Variants in KCNS1 observed in about 807,000 individuals in gnomAD.
KCNS1 encodes the protein delayed-rectifier potassium channel regulatory subunit KCNS1.
In KCNS1, 26 loss-of-function variants were observed where a neutral mutation model predicts 33.1. That is an observed-to-expected ratio of 0.79 (90% CI 0.58 to 1.09). The LOEUF (loss-of-function observed/expected upper bound fraction) is 1.09, where lower values mean the gene tolerates loss of function less well. Among genes scored for constraint, KCNS1 ranks in the 50% least tolerant of loss-of-function variants. KCNS1 has a pLI of 0.00. For missense variants in KCNS1, 702 were observed against 752.4 expected, an observed-to-expected ratio of 0.93 and a Z score of 0.78; for synonymous variants, 299 against 338.8, an observed-to-expected ratio of 0.88 and a Z score of 1.29.
Position 45,091,643 on chromosome 20 carries a change from G to A in KCNS1, c.*3227C>T, listed in dbSNP as rs746267498. Among the ~76,000 whole-genome samples the A allele has an allele frequency of 2.0e-5, 3 of 152,196 alleles. No homozygotes were observed. Among genetic ancestry groups the A allele is most frequent in the South Asian group, 2.1e-4 (1 of 4,824 alleles). ...GGGAAAGGGTCTTTTTGCAAATGTG[G>A]TTAAGTTAAGGATCCTGAGATGAGG... On this transcript the variant is annotated 3_prime_UTR_variant, in exon 4 of 4. Transcript: ENST00000537075.
Position 45,098,191 on chromosome 20 carries a change from T to C in KCNS1, c.581A>G (p.Tyr194Cys), listed in dbSNP as rs761174654. ...CAGGCGGCCACAGCGCGCCGCGCCA[T>C]AGCGCGCCAGTTCTCGCTGCACGTC... The part of the protein sequence containing the change: ...ISDVQRELAR[Y>C]GAARCGRLRR... Residue 194 changes from tyrosine (Y) to cysteine (C), a missense_variant, in exon 3 of 4, where the codon TAT becomes TGT. By Grantham distance (194) the Tyr-to-Cys change is radical (BLOSUM62 -2). This residue lies in a region of KCNS1 where 374 missense variants were observed against 352.3 expected (regional missense o/e 1.06). Transcript: ENST00000537075. The surrounding 1 kb of genome is among the most constrained non-coding windows in gnomAD (Gnocchi z 5.2). 7 of 1,604,566 alleles carry C rather than the reference T, an allele frequency of 4.4e-6. No homozygotes were observed. The highest frequency in any genetic ancestry group is 4.5e-5 in the East Asian group (2 of 44,384).
chr20:45,094,807 G>C lies in KCNS1; in HGVS notation c.*63C>G. 7.4e-7 allele frequency: 1 copy of C among 1,352,284 alleles called. No homozygotes were observed. The highest frequency in any genetic ancestry group is 1.5e-5 in the African/African-American group (1 of 68,546). The allele number at this position is 1,352,284 out of a possible 1,614,324, so 83.8% of individuals were successfully genotyped here. A position where few individuals can be genotyped will look rare whatever the true frequency, so the allele number is the denominator to read the frequency against. On this transcript the variant is annotated 3_prime_UTR_variant, in exon 4 of 4. Coordinates refer to ENST00000537075, the MANE Select transcript of KCNS1 (RefSeq NM_001322799.2). Reference sequence around the variant, plus strand: ...ATCCTGGGAGGCTCACTACCATGAAGAACTTTAGCAGGGGAGGAATCTCTA... The same window carrying C: ...ATCCTGGGAGGCTCACTACCATGAACAACTTTAGCAGGGGAGGAATCTCTA...
In KCNS1 at chr20:45,092,431, T is replaced by C. The variant is rs1318459157; in HGVS notation, c.*2439A>G. On this transcript the variant is annotated 3_prime_UTR_variant, in exon 4 of 4. Coordinates refer to ENST00000537075, the MANE Select transcript of KCNS1 (RefSeq NM_001322799.2). ...TAGGCTCAGGCCAGATGATTCCCTC[T>C]TGAGCTTTCTCCACATCAGTATTAG... 1 of 152,208 alleles carries C rather than the reference T, an allele frequency of 6.6e-6. No individual in the cohort carries two copies. The highest frequency in any genetic ancestry group is 1.5e-5 in the Non-Finnish European group (1 of 68,052). 9.4% of individuals were successfully genotyped at this position (152,208 alleles called of 1,614,324 possible).
rs1262824369 is a variant in KCNS1 at position 45,101,049 on chromosome 20, C to G, written c.-132G>C. 1.3e-5 allele frequency: 2 copies of G among 152,808 alleles called. No individual in the cohort carries two copies. Among genetic ancestry groups the G allele is most frequent in the Non-Finnish European group, 2.9e-5 (2 of 68,512 alleles). The allele number at this position is 152,808 out of a possible 1,614,324, so 9.5% of individuals were successfully genotyped here. ...GAGCCTCCTGCTGCAGGCGGCCCCG[C>G]TGCCCTCTCCTTCCTTCTTCCTTGC... On this transcript the variant is annotated 5_prime_UTR_variant, in exon 1 of 4. Coordinates refer to ENST00000537075, the MANE Select transcript of KCNS1 (RefSeq NM_001322799.2).
Position 45,098,173 on chromosome 20 carries a change from C to A in KCNS1, c.599G>T (p.Gly200Val), listed in dbSNP as rs774522244. 2 of 1,601,642 alleles carry A rather than the reference C, an allele frequency of 1.2e-6. No homozygotes were observed. Among genetic ancestry groups the A allele is most frequent in the South Asian group, 2.2e-5 (2 of 89,422 alleles). ...CAGCCAGAGGCGGCGGCGCAGGCGG[C>A]CACAGCGCGCCGCGCCATAGCGCGC... is the stretch of plus-strand genomic sequence containing the variant. Reference protein sequence around the residue: ...ELARYGAARCGRLRRRLWLTM... With the variant: ...ELARYGAARCVRLRRRLWLTM... Residue 200 changes from glycine (G) to valine (V), a missense_variant, in exon 3 of 4, where the codon GGC (glycine) becomes GTC (valine). Around this residue, in one of 3 missense-constraint regions of KCNS1, gnomAD observed 374 missense variants for 352.3 expected, o/e 1.06. Coordinates refer to ENST00000537075, the MANE Select transcript of KCNS1 (RefSeq NM_001322799.2). The surrounding 1 kb of genome is among the most constrained non-coding windows in gnomAD (Gnocchi z 5.2).
chr20:45,099,599 A>G lies in KCNS1; in HGVS notation c.-3-360T>C, dbSNP rs1053034093. ...TAATAAATTATTCACTGGTGTCACT[A>G]TCTTCTGGAGTCAGGCAAACCTGGG... On this transcript the variant is annotated intron_variant, in intron 1 of 3. Coordinates refer to ENST00000537075, the MANE Select transcript of KCNS1 (RefSeq NM_001322799.2). Among the ~76,000 whole-genome samples the G allele has an allele frequency of 1.2e-4, 18 of 152,300 alleles. No individual in the cohort carries two copies. The East Asian group carries it at 2.9e-3, about 24-fold the overall frequency.
chr20:45,100,698 C>T (rs918919339), intron 1 of KCNS1, among the ~76,000 whole-genome samples: 9 of 152,324 alleles, frequency 5.9e-5, no homozygotes, highest in African/African-American at 2.2e-4. Flanking sequence ...ATCCCTACAC[C>T]AACCCTGCCA....
Position 45,098,028 on chromosome 20 carries a change from G to C in KCNS1, c.744C>G (p.Arg248=), listed in dbSNP as rs1354617988. The C allele has an allele frequency of 2.0e-6, 3 of 1,509,732 alleles. No individual in the cohort carries two copies. Among genetic ancestry groups the C allele is most frequent in the Non-Finnish European group, 2.6e-6 (3 of 1,133,234 alleles). 93.5% of individuals were successfully genotyped at this position (1,509,732 alleles called of 1,614,324 possible). A position where few individuals can be genotyped will look rare whatever the true frequency, so the allele number is the denominator to read the frequency against. Residue 248 remains arginine (R), a synonymous_variant, in exon 3 of 4, where the codon CGC becomes CGG. Coordinates refer to ENST00000537075, the MANE Select transcript of KCNS1 (RefSeq NM_001322799.2). This position sits in a 1 kb window ranked among gnomAD's most constrained non-coding sequence, Gnocchi z 5.2. ...CIHSLPEYQA[R]EAAAAVAAVA... ...CCGCAGCCACGGCGGCCGCCGCCTC[G>C]CGGGCCTGGTACTCGGGCAGGCTGT...
At position 45,091,267 on chromosome 20, in the gene KCNS1, C is replaced by A. The variant is rs1322039354; in HGVS notation, c.*3603G>T. On this transcript the variant is annotated 3_prime_UTR_variant, in exon 4 of 4. Transcript: ENST00000537075. ...TGGGTAAGTACCTTTCCTCCAACTG[C>A]CGCAAATACTAATACGGTACCTTGC... 6.6e-6 allele frequency among the ~76,000 whole-genome samples: 1 copy of A among 152,174 alleles called. No homozygotes were observed. Among genetic ancestry groups the A allele is most frequent in the Non-Finnish European group, 1.5e-5 (1 of 68,044 alleles).
In KCNS1 at chr20:45,098,311, G is replaced by GCGCGGCAGCA; in HGVS notation, c.451_460dup (p.Ala154ValfsTer225). ...GGTCAGCCGCCTCTCCAGGTAGCGC[G>GCGCGGCAGCA]CGCGGCAGCACGCGGCAAGCGCGTT... On this transcript the variant is annotated frameshift_variant, in exon 3 of 4. Transcript: ENST00000537075. LOFTEE classifies it high-confidence loss of function. This position sits in a 1 kb window ranked among gnomAD's most constrained non-coding sequence, Gnocchi z 5.2. 6.3e-7 allele frequency: 1 copy of GCGCGGCAGCA among 1,575,884 alleles called. No individual in the cohort carries two copies. The highest frequency in any genetic ancestry group is 8.6e-7 in the Non-Finnish European group (1 of 1,163,012).
In KCNS1 at chr20:45,092,945, T is replaced by G. The variant is rs1317181622; in HGVS notation, c.*1925A>C. The G allele has an allele frequency of 6.6e-6, 1 of 152,110 alleles. No homozygotes were observed. The highest frequency in any genetic ancestry group is 2.4e-5 in the African/African-American group (1 of 41,400). 9.4% of individuals were successfully genotyped at this position (152,110 alleles called of 1,614,324 possible). ...TTTATGTGATTATTGCATTAGAGTC[T>G]ATCTTCCCTACTAGTCGGTAAGCTT... On this transcript the variant is annotated 3_prime_UTR_variant, in exon 4 of 4. Coordinates refer to ENST00000537075, the MANE Select transcript of KCNS1 (RefSeq NM_001322799.2).
chr20:45,098,150 G>C lies in KCNS1; in HGVS notation c.622C>G (p.Leu208Val). 1 of 1,604,236 alleles carries C rather than the reference G, an allele frequency of 6.2e-7. No homozygotes were observed. The highest frequency in any genetic ancestry group is 1.1e-5 in the South Asian group (1 of 89,788). ...RCGRLRRRLW[L>V]TMENPGYSLP... ...GAGTAGCCCGGGTTCTCCATGGTCA[G>C]CCAGAGGCGGCGGCGCAGGCGGCCA... The change falls in exon 3 of 4, where the codon CTG (leucine) becomes GTG (valine). Residue 208 changes from leucine (L) to valine (V), a missense_variant. By Grantham distance (32) the Leu-to-Val change is conservative (BLOSUM62 1). This residue lies in a region of KCNS1 where 374 missense variants were observed against 352.3 expected (regional missense o/e 1.06). Transcript: ENST00000537075. This position sits in a 1 kb window ranked among gnomAD's most constrained non-coding sequence, Gnocchi z 5.2.
At position 45,098,095 on chromosome 20, in the gene KCNS1, G is replaced by T. The variant is rs1040845868; in HGVS notation, c.677C>A (p.Ser226Tyr). ...GATGGAGGCGAGCACCACGCTGATG[G>T]AGACGCAGCTGAAGAGCTTGCTCGG... ...SLPSKLFSCV[S>Y]ISVVLASIAA... Residue 226 changes from serine (S) to tyrosine (Y), a missense_variant, in exon 3 of 4, where the codon TCC becomes TAC. Around this residue, in one of 3 missense-constraint regions of KCNS1, gnomAD observed 374 missense variants for 352.3 expected, o/e 1.06. Transcript: ENST00000537075. The surrounding 1 kb of genome is among the most constrained non-coding windows in gnomAD (Gnocchi z 5.2). 6.3e-7 allele frequency: 1 copy of T among 1,578,708 alleles called. No homozygotes were observed. Among genetic ancestry groups the T allele is most frequent in the African/African-American group, 1.4e-5 (1 of 74,022 alleles).
rs565990389 is a variant in KCNS1, at chr20:45,091,350, G to C, written c.*3520C>G. ...TCAAGTGAAATCAGACTCTCTCCTGGGATTGGAACTGTGAGCAGGATGATA... is the reference window on the plus strand; with the variant it reads ...TCAAGTGAAATCAGACTCTCTCCTGCGATTGGAACTGTGAGCAGGATGATA... On this transcript the variant is annotated 3_prime_UTR_variant, in exon 4 of 4. Coordinates refer to ENST00000537075, the MANE Select transcript of KCNS1 (RefSeq NM_001322799.2). 1.3e-5 allele frequency among the ~76,000 whole-genome samples: 2 copies of C among 152,286 alleles called. No homozygotes were observed. Among genetic ancestry groups the C allele is most frequent in the African/African-American group, 4.8e-5 (2 of 41,560 alleles).
chr20:45,098,676 A>G lies in KCNS1; in HGVS notation c.96T>C (p.Phe32=). ...TPLGGRSTET[F]VSEFPGPDTG... ...TGTCGGGGCCCGGGAACTCGCTCAC[A>G]AAGGTTTCAGTGCTCCTCCCTGCGG... The change falls in exon 3 of 4, where the codon TTT becomes TTC. Residue 32 remains phenylalanine (F), a synonymous_variant. Coordinates refer to ENST00000537075, the MANE Select transcript of KCNS1 (RefSeq NM_001322799.2). The surrounding 1 kb of genome is among the most constrained non-coding windows in gnomAD (Gnocchi z 5.2). 1 of 1,446,874 alleles carries G rather than the reference A, an allele frequency of 6.9e-7. No homozygotes were observed. Among genetic ancestry groups the G allele is most frequent in the Non-Finnish European group, 9.1e-7 (1 of 1,104,052 alleles). The allele number at this position is 1,446,874 out of a possible 1,614,324, so 89.6% of individuals were successfully genotyped here.
Position 45,091,574 on chromosome 20 carries a change from T to C in KCNS1, c.*3296A>G, listed in dbSNP as rs1482115448. Among the ~76,000 whole-genome samples, 1 of 152,230 alleles carries C rather than the reference T, an allele frequency of 6.6e-6. No individual in the cohort carries two copies. The highest frequency in any genetic ancestry group is 2.4e-5 in the African/African-American group (1 of 41,462). On this transcript the variant is annotated 3_prime_UTR_variant, in exon 4 of 4. Coordinates refer to ENST00000537075, the MANE Select transcript of KCNS1 (RefSeq NM_001322799.2). The stretch of plus-strand genomic sequence containing the variant: ...GGGCCAGATGGTGGCCCCAAACACC[T>C]GTCCATATTTTAATCTCTGGAACCC...
rs770087624 is a variant in KCNS1 at position 45,098,479 on chromosome 20, G to T, written c.293C>A (p.Ala98Glu). ...ARRLCDDYDE[A>E]AREFYFDRHP... ...CCGGTCGAAGTAGAATTCGCGCGCC[G>T]CCTCGTCGTAGTCGTCGCACAGGCG... is the stretch of plus-strand genomic sequence containing the variant. Residue 98 changes from alanine to glutamate, a missense_variant, in exon 3 of 4, where the codon GCG (alanine) becomes GAG (glutamate). By Grantham distance (107) the Ala-to-Glu change is moderately radical. Around this residue, in one of 3 missense-constraint regions of KCNS1, gnomAD observed 374 missense variants for 352.3 expected, o/e 1.06. Coordinates refer to ENST00000537075, the MANE Select transcript of KCNS1 (RefSeq NM_001322799.2). The surrounding 1 kb of genome is among the most constrained non-coding windows in gnomAD (Gnocchi z 5.2). The T allele has an allele frequency of 6.4e-7, 1 of 1,563,414 alleles. No individual in the cohort carries two copies. Among genetic ancestry groups the T allele is most frequent in the Non-Finnish European group, 8.7e-7 (1 of 1,155,316 alleles).
chr20:45,099,225 C>A lies in KCNS1; in HGVS notation c.12G>T (p.Leu4=), dbSNP rs1328233174. The A allele has an allele frequency of 2.7e-6, 4 of 1,484,210 alleles. No individual in the cohort carries two copies. The highest frequency in any genetic ancestry group is 2.8e-5 in the African/African-American group (2 of 71,546). The allele number at this position is 1,484,210 out of a possible 1,614,324, so 91.9% of individuals were successfully genotyped here. The change falls in exon 2 of 4, where the codon CTG becomes CTT. Residue 4 remains leucine (L), a synonymous_variant. Transcript: ENST00000537075. ...TCTCATAGTGTGTTCCCCGGACCAG[C>A]AGCATCAGCATCACCTGGGAATTTG... is the stretch of plus-strand genomic sequence containing the variant. MLM[L]LVRGTHYENL...
intron 3 of KCNS1, among the ~76,000 whole-genome samples, chr20:45,095,602 G>A (rs571343498): frequency 3.3e-5 from 5 of 152,258 alleles, no homozygotes; most frequent in East Asian, 1.9e-4. Context: ...TTCCAACTCC[G>A]GGGTTACTGG....
Sources: gnomAD v4.1 joint callset for allele counts (sites outside exome capture counted in the v4.1 genomes callset) on GRCh38, gnomAD v4.1.1 for gene constraint, gnomAD v4.1.1 regional missense constraint, Gnocchi (gnomAD v3.1) non-coding constraint, MANE v1.5 for transcripts, NCBI Gene and HGNC (gene_info 2026-07-23, HGNC 2026-07-21) for gene names.